The following PIK3C2G variants were observed in gnomAD, a reference collection of about 807,000 sequenced individuals.
PIK3C2G encodes phosphatidylinositol-4-phosphate 3-kinase catalytic subunit type 2 gamma.
PIK3C2G carries 168 observed loss-of-function variants against 181.1 expected under a neutral mutation model. The ratio of observed to expected loss-of-function variants is 0.93; its 90% CI spans 0.82 to 1.05. The LOEUF (loss-of-function observed/expected upper bound fraction) is 1.05, where lower values mean the gene tolerates loss of function less well. Among genes scored for constraint, PIK3C2G ranks in the 50% least tolerant of loss-of-function variants. PIK3C2G has a pLI of 0.00. For missense variants in PIK3C2G, 1,869 were observed against 1,732.8 expected (o/e 1.08, Z -1.40); for synonymous variants, 573 against 592.2 (o/e 0.97, Z 0.47).
chr12:18,576,131 A>G (rs988884532), intron 29 of PIK3C2G, among the ~76,000 whole-genome samples: 10 of 152,264 alleles, frequency 6.6e-5, no homozygotes, highest in African/African-American at 2.4e-4. Context: ...CTTGCAGAAA[A>G]TGAAAAATTT....
chr12:18,451,761 T>C (rs932717103), intron 18 of PIK3C2G, among the ~76,000 whole-genome samples: 5 of 152,218 alleles, frequency 3.3e-5, no homozygotes, highest in African/African-American at 9.6e-5. Flanking sequence ...CCTAGTTTAT[T>C]GAGAGTTTTT....
At chr12:18,395,134 TTCTC>T (rs150594401) in intron 15 of PIK3C2G, among the ~76,000 whole-genome samples, 5 of 149,906 alleles carry the variant, frequency 3.3e-5, no homozygotes, top group African/African-American at 9.8e-5. Flanking sequence ...CCTTCTTTCT[TTCTC>T]TCTCTCTCTC....
intron 24 of PIK3C2G, among the ~76,000 whole-genome samples, chr12:18,531,537 T>C (rs1425730062): frequency 1.3e-5 from 2 of 152,132 alleles, no homozygotes; most frequent in African/African-American, 4.8e-5. Flanking sequence ...TCTCACCTTC[T>C]TCCCCACTTC....
Position 18,572,776 on chromosome 12 carries a change from T to A in PIK3C2G, c.4011+5719T>A, listed in dbSNP as rs1390172915. On this transcript the variant is annotated intron_variant, in intron 29 of 32. Coordinates refer to ENST00000538779, the MANE Select transcript of PIK3C2G (RefSeq NM_001288772.2). ...TCCTTACTCTTACTCCTGTATTTTTTAATTATTTTGTTTCTTCATGCCTCA... is the reference window on the plus strand; with the variant it reads ...TCCTTACTCTTACTCCTGTATTTTTAAATTATTTTGTTTCTTCATGCCTCA... Among the ~76,000 whole-genome samples, 5 of 152,264 alleles carry A rather than the reference T, an allele frequency of 3.3e-5. No individual in the cohort carries two copies. In the East Asian group the frequency reaches 7.7e-4, roughly 23 times the overall value.
At chr12:18,618,836 T>G (rs1948719481) in intron 31 of PIK3C2G, among the ~76,000 whole-genome samples, 1 of 152,046 alleles carries the variant, frequency 6.6e-6, no homozygotes, top group African/African-American at 2.4e-5. Context: ...CTGGATGGAC[T>G]CAAGAGAAGA....
intron 24 of PIK3C2G, among the ~76,000 whole-genome samples, chr12:18,512,292 CTTGGGATCTT>C (rs1942260330): frequency 6.6e-6 from 1 of 151,416 alleles, no homozygotes; most frequent in Admixed American, 6.6e-5. Context: ...GTTTTGGCTG[CTTGGGATCTT>C]TTGTGGTTCC....
At chr12:18,377,276 C>T (rs1449825038) in intron 13 of PIK3C2G, among the ~76,000 whole-genome samples, 4 of 151,232 alleles carry the variant, frequency 2.6e-5, no homozygotes, top group African/African-American at 9.7e-5. Context: ...CCCATCTGTT[C>T]TCCTGGTGTC....
chr12:18,624,041 A>T (rs1592740923), intron 31 of PIK3C2G, among the ~76,000 whole-genome samples: 1 of 151,638 alleles, frequency 6.6e-6, no homozygotes, highest in Non-Finnish European at 1.5e-5. Context: ...CTCCTTTCTA[A>T]TTGCTCAGGA....
chr12:18,292,220 AAAAAAAAATATATATATATAT>A (rs1194799312), intron 4 of PIK3C2G, among the ~76,000 whole-genome samples: 8 of 91,902 alleles, frequency 8.7e-5, no homozygotes, highest in African/African-American at 1.6e-4. Context: ...CAAAAAAAAA[AAAAAAAAATATATATATATAT>A]ATATATATAT....
Position 18,287,349 on chromosome 12 carries a change from C to T in PIK3C2G, c.761+420C>T, listed in dbSNP as rs554287260. On this transcript the variant is annotated intron_variant, in intron 3 of 32. Coordinates refer to ENST00000538779, the MANE Select transcript of PIK3C2G (RefSeq NM_001288772.2). The stretch of plus-strand genomic sequence containing the variant: ...TTCAATCTTATCTTGAGTGGATTGG[C>T]AGAATATTGAATAAATACGTGTGTG... Among the ~76,000 whole-genome samples the T allele has an allele frequency of 2.0e-5, 3 of 151,970 alleles. No homozygotes were observed. The South Asian group carries it at 6.2e-4, about 32-fold the overall frequency.
At chr12:18,606,446 G>A (rs989871809) in intron 30 of PIK3C2G, among the ~76,000 whole-genome samples, 1 of 151,988 alleles carries the variant, frequency 6.6e-6, no homozygotes. Flanking sequence ...CTATCTCATA[G>A]TATCTCTGTG....
chr12:18,419,010 T>A (rs1279228789), intron 16 of PIK3C2G, among the ~76,000 whole-genome samples: 6 of 152,162 alleles, frequency 3.9e-5, no homozygotes, highest in African/African-American at 1.4e-4. Flanking sequence ...AGAAAGGTGA[T>A]AACACAGACT....
At chr12:18,590,389 AAAGT>A (rs1410664463) in intron 29 of PIK3C2G, among the ~76,000 whole-genome samples, 5 of 151,896 alleles carry the variant, frequency 3.3e-5, no homozygotes, top group African/African-American at 1.2e-4. Context: ...GTTTTTAGTA[AAAGT>A]ATGTCCAAAA....
intron 1 of PIK3C2G, among the ~76,000 whole-genome samples, chr12:18,261,961 C>T (rs1362129184): frequency 6.6e-6 from 1 of 152,072 alleles, no homozygotes; most frequent in African/African-American, 2.4e-5. Flanking sequence ...TTAGTGTACA[C>T]TTTTAGTGTC....
chr12:18,292,897 C>T (rs1949774106), intron 4 of PIK3C2G, among the ~76,000 whole-genome samples: 1 of 152,146 alleles, frequency 6.6e-6, no homozygotes, highest in Non-Finnish European at 1.5e-5. Context: ...TCATTAAGGG[C>T]ACAGGCCTTG....
chr12:18,435,856 T>C (rs1003336628), intron 18 of PIK3C2G, among the ~76,000 whole-genome samples: 3 of 151,934 alleles, frequency 2.0e-5, no homozygotes, highest in Admixed American at 6.6e-5. Context: ...TTGGCTCCCT[T>C]GTACACATCT....
chr12:18,487,135 T>TGC (rs1940127781), intron 18 of PIK3C2G, among the ~76,000 whole-genome samples: 1 of 151,036 alleles, frequency 6.6e-6, no homozygotes. Context: ...TGTGTGTGTG[T>TGC]AAATGCTTTC....
the PIK3C2G span, chr12:18,688,069 A>C: frequency 6.2e-7 from 1 of 1,609,080 alleles, no homozygotes; most frequent in Admixed American, 1.7e-5. Context: ...GAAATTCAAT[A>C]AGGTATATCA....
chr12:18,631,348 A>G (rs1949342284), intron 31 of PIK3C2G, among the ~76,000 whole-genome samples: 1 of 152,188 alleles, frequency 6.6e-6, no homozygotes, highest in Non-Finnish European at 1.5e-5. Context: ...CTGTTCTATC[A>G]TTCTAAAAAC....
Sources: gnomAD v4.1 joint callset for allele counts (sites outside exome capture counted in the v4.1 genomes callset) on GRCh38, gnomAD v4.1.1 for gene constraint, MANE v1.5 for transcripts, NCBI Gene and HGNC (gene_info 2026-07-23, HGNC 2026-07-21) for gene names.